The following KLHL29 variants were observed in gnomAD, a reference collection of about 807,000 sequenced individuals.
KLHL29 encodes the protein kelch-like protein 29.
In KLHL29, 21 loss-of-function variants were observed where a neutral mutation model predicts 80.4. The ratio of observed to expected loss-of-function variants is 0.26; its 90% CI spans 0.19 to 0.38. KLHL29 has a LOEUF of 0.38. KLHL29 is among the 10% of genes least tolerant of loss of function. KLHL29 has a pLI of 1.00. For synonymous variants in KLHL29, 511 were observed against 526.8 expected, an observed-to-expected ratio of 0.97 and a Z score of 0.41; for missense variants, 867 against 1,223.9, an observed-to-expected ratio of 0.71 and a Z score of 4.35.
intron 2 of KLHL29, among the ~76,000 whole-genome samples, chr2:23,554,118 A>G (rs554219514): frequency 1.8e-4 from 27 of 152,294 alleles, no homozygotes; most frequent in African/African-American, 6.3e-4. Context: ...GCATTTCCGA[A>G]GGGCATCCCC....
At chr2:23,450,941 T>G (rs1123258) in intron 1 of KLHL29, among the ~76,000 whole-genome samples, 1 of 152,084 alleles carries the variant, frequency 6.6e-6, no homozygotes, top group Non-Finnish European at 1.5e-5. Flanking sequence ...TAATCTATTG[T>G]TTTTTTCTTT....
intron 1 of KLHL29, among the ~76,000 whole-genome samples, chr2:23,420,430 C>G (rs751045042): frequency 3.9e-5 from 6 of 152,218 alleles, no homozygotes; most frequent in Non-Finnish European, 7.3e-5. Context: ...GAGGCGGAAT[C>G]CCACAGGAAC....
intron 1 of KLHL29, among the ~76,000 whole-genome samples, chr2:23,474,623 A>G (rs1664580491): frequency 1.3e-5 from 2 of 152,114 alleles, no homozygotes; most frequent in Admixed American, 1.3e-4. Context: ...GTGCATCTCT[A>G]TCAGCGGCCG....
intron 3 of KLHL29, among the ~76,000 whole-genome samples, chr2:23,572,223 A>C (rs115390561): frequency 1.3e-5 from 2 of 152,124 alleles, no homozygotes; most frequent in African/African-American, 4.8e-5. Flanking sequence ...TGAAATTCCC[A>C]AACAGGAAGA....
At chr2:23,474,050 C>G (rs1227926272) in intron 1 of KLHL29, among the ~76,000 whole-genome samples, 5 of 152,168 alleles carry the variant, frequency 3.3e-5, no homozygotes, top group African/African-American at 1.2e-4. Flanking sequence ...TGCACCCTAC[C>G]CTGCTCCATT....
At chr2:23,540,735 G>A (rs1666809433) in intron 2 of KLHL29, among the ~76,000 whole-genome samples, 2 of 152,234 alleles carry the variant, frequency 1.3e-5, no homozygotes, top group Admixed American at 1.3e-4. Context: ...CTCATGTACT[G>A]TTGGACCTCG....
chr2:23,429,291 T>G (rs973362584), intron 1 of KLHL29, among the ~76,000 whole-genome samples: 6 of 152,252 alleles, frequency 3.9e-5, no homozygotes, highest in Admixed American at 3.9e-4. Context: ...GCTGGGGCCT[T>G]GGTGCCCACA....
intron 3 of KLHL29, among the ~76,000 whole-genome samples, chr2:23,583,672 T>C (rs760250818): frequency 2.0e-5 from 3 of 152,152 alleles, no homozygotes; most frequent in East Asian, 1.9e-4. Context: ...GGAGCCGACA[T>C]TGGGACTCTT....
intron 3 of KLHL29, among the ~76,000 whole-genome samples, chr2:23,628,456 G>A (rs985788429): frequency 1.3e-5 from 2 of 152,248 alleles, no homozygotes; most frequent in Non-Finnish European, 2.9e-5. Context: ...GGGTCGTTGG[G>A]AGTCATCTCC....
At chr2:23,665,676 G>T (rs1043041450) in intron 5 of KLHL29, among the ~76,000 whole-genome samples, 10 of 152,184 alleles carry the variant, frequency 6.6e-5, no homozygotes. Flanking sequence ...TCCACTCATG[G>T]TGGAGAGCAG....
chr2:23,397,664 A>C (rs1666483343), intron 1 of KLHL29, among the ~76,000 whole-genome samples: 1 of 152,124 alleles, frequency 6.6e-6, no homozygotes, highest in Admixed American at 6.6e-5. Flanking sequence ...TGGGTGGAGG[A>C]TGTGAGACAC....
rs530309178 is a variant in KLHL29 at position 23,457,360 on chromosome 2, G to A, written c.-153-18200G>A. On this transcript the variant is annotated intron_variant, in intron 1 of 13. Coordinates refer to ENST00000486442, the MANE Select transcript of KLHL29 (RefSeq NM_052920.2). This position sits in a 1 kb window ranked among gnomAD's most constrained non-coding sequence, Gnocchi z 4.3. The stretch of plus-strand genomic sequence containing the variant: ...TGGCTTTGAGCTGTGGGGACCTAGA[G>A]AAGAGACAGCCAGAGGTTCTTAATT... Among the ~76,000 whole-genome samples the A allele has an allele frequency of 1.3e-5, 2 of 152,324 alleles. No homozygotes were observed. The highest frequency in any genetic ancestry group is 1.3e-4 in the Admixed American group (2 of 15,304).
chr2:23,537,992 T>C (rs1202574843), intron 2 of KLHL29, among the ~76,000 whole-genome samples: 1 of 152,184 alleles, frequency 6.6e-6, no homozygotes, highest in Non-Finnish European at 1.5e-5. Flanking sequence ...GGAAAGTTGC[T>C]CCAGAAGCAC....
chr2:23,409,477 T>C lies in KLHL29; in HGVS notation c.-154+23697T>C, dbSNP rs186054108. ...TCCTCCGTTGGACGAACAACTCATC[T>C]TTTACTCTTTGCTTTTTATGCCAGT... On this transcript the variant is annotated intron_variant, in intron 1 of 13. Coordinates refer to ENST00000486442, the MANE Select transcript of KLHL29 (RefSeq NM_052920.2). Among the ~76,000 whole-genome samples the C allele has an allele frequency of 8.5e-5, 13 of 152,358 alleles. No individual in the cohort carries two copies. The East Asian group carries it at 2.5e-3, about 29-fold the overall frequency.
At chr2:23,642,965 C>T (rs918776599) in intron 5 of KLHL29, 115 bp downstream of exon 5, 6 of 1,245,634 alleles carry the variant, frequency 4.8e-6, no homozygotes, top group Non-Finnish European at 6.9e-6. Context: ...ACTGGCCTCC[C>T]CAACCCAGAG....
intron 5 of KLHL29, among the ~76,000 whole-genome samples, chr2:23,655,932 C>T (rs1558426565): frequency 6.6e-6 from 1 of 152,128 alleles, no homozygotes; most frequent in East Asian, 1.9e-4. Flanking sequence ...AAAGATGCAC[C>T]GAAGCTCTGC....
intron 1 of KLHL29, among the ~76,000 whole-genome samples, chr2:23,460,888 T>A (rs1265648618): frequency 6.6e-6 from 1 of 151,696 alleles, no homozygotes; most frequent in Non-Finnish European, 1.5e-5. Context: ...GCTCAGGAGC[T>A]TCCAGCAGTT....
At chr2:23,626,367 A>G (rs1251366217) in intron 3 of KLHL29, among the ~76,000 whole-genome samples, 1 of 152,200 alleles carries the variant, frequency 6.6e-6, no homozygotes, top group Non-Finnish European at 1.5e-5. Flanking sequence ...CTAACAGGCC[A>G]CAGGCTGGGT....
chr2:23,432,751 G>T (rs1663218336), intron 1 of KLHL29, among the ~76,000 whole-genome samples: 1 of 152,236 alleles, frequency 6.6e-6, no homozygotes, highest in Admixed American at 6.5e-5. Flanking sequence ...AGGCAGGAGG[G>T]GCTGGTGCCC....
Sources: allele counts gnomAD v4.1 joint callset (sites outside exome capture counted in the v4.1 genomes callset), GRCh38; gene constraint gnomAD v4.1.1; non-coding constraint Gnocchi (gnomAD v3.1); transcripts MANE v1.5; gene names NCBI Gene and HGNC (gene_info 2026-07-23, HGNC 2026-07-21).